Variants in RIMS1 observed in about 807,000 individuals in gnomAD.
RIMS1 encodes the protein regulating synaptic membrane exocytosis 1.
Under a neutral mutation model 214.1 loss-of-function variants are expected in RIMS1, and 83 were observed. The ratio of observed to expected loss-of-function variants is 0.39; its 90% CI spans 0.32 to 0.47. RIMS1 has a LOEUF of 0.47. Among genes scored for constraint, RIMS1 ranks in the 20% least tolerant of loss-of-function variants. The pLI is 0.99. For synonymous variants in RIMS1, 793 were observed against 786.8 expected (o/e 1.01, Z -0.13); for missense variants, 2,050 against 2,161.8 (o/e 0.95, Z 1.03).
intron 32 of RIMS1, 120 bp downstream of exon 32, chr6:72,398,470 C>T: frequency 1.6e-6 from 1 of 613,016 alleles, no homozygotes; most frequent in East Asian, 2.8e-5. Context: ...ATTAAAAAAG[C>T]AGTGTTTCTG....
At chr6:72,143,292 A>T (rs191828727) in intron 4 of RIMS1, among the ~76,000 whole-genome samples, 2 of 152,274 alleles carry the variant, frequency 1.3e-5, no homozygotes, top group East Asian at 3.9e-4. Context: ...TGGGATATGG[A>T]TTTAGCCTTG....
At chr6:72,277,123 A>G (rs2086861852) in intron 23 of RIMS1, among the ~76,000 whole-genome samples, 1 of 152,212 alleles carries the variant, frequency 6.6e-6, no homozygotes, top group African/African-American at 2.4e-5. Flanking sequence ...AAATAAATTG[A>G]AAAGCTTTTA....
chr6:72,010,934 C>T (rs1313729438), intron 2 of RIMS1, among the ~76,000 whole-genome samples: 2 of 151,836 alleles, frequency 1.3e-5, no homozygotes, highest in African/African-American at 4.8e-5. Flanking sequence ...ATGCCATCCC[C>T]ATCAAGCTAC....
chr6:72,058,437 A>G (rs929896292), intron 2 of RIMS1, among the ~76,000 whole-genome samples: 22 of 152,290 alleles, frequency 1.4e-4, no homozygotes, highest in Non-Finnish European at 2.2e-4. Flanking sequence ...AAAATGGTCT[A>G]CCCATCTTCA....
At chr6:72,206,229 T>G (rs1168164258) in intron 6 of RIMS1, among the ~76,000 whole-genome samples, 1 of 152,178 alleles carries the variant, frequency 6.6e-6, no homozygotes, top group Non-Finnish European at 1.5e-5. Context: ...GCTTAAGGCA[T>G]TATGCATTTC....
intron 23 of RIMS1, among the ~76,000 whole-genome samples, chr6:72,282,288 A>G (rs2090479457): frequency 6.6e-6 from 1 of 151,998 alleles, no homozygotes; most frequent in Non-Finnish European, 1.5e-5. Context: ...TCATCTTCCC[A>G]CTATGCTTAT....
chr6:72,349,525 C>T (rs1328448440), intron 29 of RIMS1, among the ~76,000 whole-genome samples: 1 of 151,386 alleles, frequency 6.6e-6, no homozygotes, highest in African/African-American at 2.4e-5. Context: ...TAAAAATTAA[C>T]ATATATATTA....
intron 22 of RIMS1, chr6:72,266,276 C>T (rs533123604): frequency 5.8e-5 from 32 of 547,700 alleles, no homozygotes; most frequent in South Asian, 3.3e-4. Context: ...TTGCAAATGG[C>T]GTGGTGTAAT....
At chr6:72,083,537 G>A (rs562809024) in intron 2 of RIMS1, among the ~76,000 whole-genome samples, 1 of 152,114 alleles carries the variant, frequency 6.6e-6, no homozygotes, top group Non-Finnish European at 1.5e-5. Flanking sequence ...GATCATCCAA[G>A]CCACTCATAC....
rs182761561 is a variant in RIMS1, at chr6:71,896,903, C to T, written c.164+9716C>T. ...TGTGTATCTCCGTCAATGGCTCCAACCATGTATATGTCAATGATCCCTAGA... is the reference window on the plus strand; with the variant it reads ...TGTGTATCTCCGTCAATGGCTCCAATCATGTATATGTCAATGATCCCTAGA... On this transcript the variant is annotated intron_variant, in intron 1 of 33. Transcript: ENST00000521978. Among the ~76,000 whole-genome samples, 23 of 152,260 alleles carry T rather than the reference C, an allele frequency of 1.5e-4. 1 individual carries two copies. Among genetic ancestry groups the T allele is most frequent in the Admixed American group, 1.5e-3 (23 of 15,288 alleles).
At position 72,261,852 on chromosome 6, in the gene RIMS1, A is replaced by C. The variant is rs571240626; in HGVS notation, c.3116+1085A>C. The C allele has an allele frequency of 1.9e-4, 183 of 985,258 alleles. 1 individual carries two copies. In the South Asian group the frequency reaches 7.0e-3, roughly 38 times the overall value. 61.0% of individuals were successfully genotyped at this position (985,258 alleles called of 1,614,324 possible). On this transcript the variant is annotated intron_variant, in intron 19 of 33. Coordinates refer to ENST00000521978, the MANE Select transcript of RIMS1 (RefSeq NM_014989.7). The stretch of plus-strand genomic sequence containing the variant: ...GGAGTGCCACAGGAAAAAATCGAGG[A>C]AATATTAGTTCTGCTTGCTGAGAAA...
chr6:72,268,254 T>G (rs2081475032), intron 22 of RIMS1, among the ~76,000 whole-genome samples: 1 of 152,074 alleles, frequency 6.6e-6, no homozygotes, highest in Non-Finnish European at 1.5e-5. Context: ...CTAAAGCCCC[T>G]AGACAGTATG....
chr6:72,097,216 G>A (rs2032027660), intron 3 of RIMS1, 54 bp downstream of exon 3: 7 of 1,489,638 alleles, frequency 4.7e-6, no homozygotes, highest in East Asian at 2.3e-5. Context: ...AAACTATTAC[G>A]CCTTCCAAAC....
intron 23 of RIMS1, among the ~76,000 whole-genome samples, chr6:72,280,681 A>G (rs371022403): frequency 5.0e-4 from 76 of 152,186 alleles, no homozygotes; most frequent in Middle Eastern, 3.4e-3. Context: ...TAAGAGGGTT[A>G]AAAATGAAAA....
At chr6:71,989,888 A>G (rs570553196) in intron 2 of RIMS1, among the ~76,000 whole-genome samples, 2 of 152,116 alleles carry the variant, frequency 1.3e-5, no homozygotes, top group African/African-American at 4.8e-5. Flanking sequence ...CTCAGGCCAC[A>G]CTAACCCTCA....
chr6:72,360,134 A>G (rs1458557790), intron 29 of RIMS1, among the ~76,000 whole-genome samples: 1 of 152,176 alleles, frequency 6.6e-6, no homozygotes, highest in East Asian at 1.9e-4. Context: ...CAAACTGCCA[A>G]GCAGAGACTA....
intron 1 of RIMS1, among the ~76,000 whole-genome samples, chr6:71,900,675 C>A: frequency 6.6e-6 from 1 of 152,056 alleles, no homozygotes; most frequent in Non-Finnish European, 1.5e-5. Context: ...AGACTTGTGC[C>A]ACCAAGTTTT....
chr6:72,252,708 G>A (rs369667987), intron 15 of RIMS1, 53 bp from the exon 16 acceptor site: 61 of 1,480,492 alleles, frequency 4.1e-5, no homozygotes, highest in Admixed American at 2.4e-4. Flanking sequence ...TGCTCTTTAC[G>A]TTTCATAAAC....
intron 2 of RIMS1, among the ~76,000 whole-genome samples, chr6:71,991,470 C>G (rs1801554093): frequency 6.6e-6 from 1 of 152,142 alleles, no homozygotes. Context: ...ATTCCCCAAA[C>G]TGAGTGTAGT....
Sources: gnomAD v4.1 joint callset for allele counts (sites outside exome capture counted in the v4.1 genomes callset) on GRCh38, gnomAD v4.1.1 for gene constraint, MANE v1.5 for transcripts, NCBI Gene and HGNC (gene_info 2026-07-23, HGNC 2026-07-21) for gene names.